Variants in ASIC5 observed in about 807,000 individuals in gnomAD.
ASIC5 encodes the protein acid sensing ion channel subunit family member 5.
ASIC5 carries 52 observed loss-of-function variants against 51.2 expected under a neutral mutation model. The observed-to-expected ratio is 1.02, with a 90% CI of 0.81 to 1.28. ASIC5 has a LOEUF of 1.28. ASIC5 is among the 50% of genes most tolerant of loss of function. ASIC5 has a pLI of 0.00. For synonymous variants in ASIC5, 231 were observed against 200.7 expected (o/e 1.15, Z -1.28); for missense variants, 635 against 595.0 (o/e 1.07, Z -0.70).
chr4:155,854,275 A>G lies in ASIC5; in HGVS notation c.387T>C (p.Phe129=), dbSNP rs376363208. Residue 129 remains phenylalanine (F), a synonymous_variant, in exon 3 of 10, where the codon TTT becomes TTC. Coordinates refer to ENST00000537611, the MANE Select transcript of ASIC5 (RefSeq NM_017419.3). ...TDAVAKFGVI[F]FLWHIVSKVL... is the part of the protein sequence containing the mutation. ...CTTTGGATACAATGTGCCATAAGAA[A>G]AAAATAACACCAAATTTGGCTACAG... 26 of 1,612,990 alleles carry G rather than the reference A, an allele frequency of 1.6e-5. No individual in the cohort carries two copies. The highest frequency in any genetic ancestry group is 2.0e-5 in the Non-Finnish European group (23 of 1,179,422).
chr4:155,850,697 T>C (rs574987028), intron 4 of ASIC5, among the ~76,000 whole-genome samples: 1 of 152,058 alleles, frequency 6.6e-6, no homozygotes, highest in Non-Finnish European at 1.5e-5. Flanking sequence ...GGCTGTTTTC[T>C]TTGACTCATT....
At chr4:155,831,686 G>A (rs1354129761) in intron 9 of ASIC5, 138 bp downstream of exon 9, 1 of 508,650 alleles carries the variant, frequency 2.0e-6, no homozygotes, top group African/African-American at 2.0e-5. Context: ...CAGGAGAATG[G>A]TGTGAACCCC....
intron 7 of ASIC5, among the ~76,000 whole-genome samples, chr4:155,838,314 A>G (rs200451273): frequency 0.059 from 8,931 of 152,226 alleles, 390 homozygotes; most frequent in South Asian, 0.13. Context: ...AAAGCAAAAA[A>G]AAGAGGGGGC....
intron 8 of ASIC5, among the ~76,000 whole-genome samples, chr4:155,835,039 C>G (rs1289041310): frequency 2.0e-5 from 3 of 152,144 alleles, no homozygotes; most frequent in African/African-American, 7.2e-5. Context: ...AACCTTGCAC[C>G]CATCCTTCGA....
chr4:155,848,639 C>T (rs1454360653), intron 4 of ASIC5, among the ~76,000 whole-genome samples: 1 of 151,992 alleles, frequency 6.6e-6, no homozygotes, highest in Non-Finnish European at 1.5e-5. Flanking sequence ...GACAATTGTG[C>T]TCATGTTTTG....
At position 155,843,670 on chromosome 4, in the gene ASIC5, C is replaced by G. The variant is rs371696830; in HGVS notation, c.861+11G>C. ...CTACCCCACCTAATTTCCTCAGACTCGAGTATTTACCTTCACTTGGCGGAT... is the reference window on the plus strand; with the variant it reads ...CTACCCCACCTAATTTCCTCAGACTGGAGTATTTACCTTCACTTGGCGGAT... On this transcript the variant is annotated intron_variant, in intron 5 of 9. Transcript: ENST00000537611. The G allele has an allele frequency of 1.2e-6, 2 of 1,612,732 alleles. No homozygotes were observed. The highest frequency in any genetic ancestry group is 2.2e-5 in the East Asian group (1 of 44,864).
At chr4:155,851,135 T>C (rs796463636) in intron 4 of ASIC5, among the ~76,000 whole-genome samples, 1 of 152,052 alleles carries the variant, frequency 6.6e-6, no homozygotes, top group Non-Finnish European at 1.5e-5. Flanking sequence ...TTTGTAGATG[T>C]TCATTGCATT....
At chr4:155,853,071 T>C (rs1401224854) in intron 3 of ASIC5, among the ~76,000 whole-genome samples, 1 of 152,078 alleles carries the variant, frequency 6.6e-6, no homozygotes, top group Non-Finnish European at 1.5e-5. Context: ...TCCTGCTTAA[T>C]TAAGCCAATT....
At chr4:155,831,786 T>G in intron 9 of ASIC5, 38 bp downstream of exon 9, 3 of 1,276,000 alleles carry the variant, frequency 2.4e-6, no homozygotes, top group Non-Finnish European at 3.4e-6. Context: ...AATAAATAAG[T>G]AAATAAATAA....
intron 4 of ASIC5, among the ~76,000 whole-genome samples, chr4:155,848,807 A>G (rs996153707): frequency 6.6e-6 from 1 of 152,140 alleles, no homozygotes; most frequent in Non-Finnish European, 1.5e-5. Context: ...TAAACAGAAC[A>G]GGAATTAACT....
chr4:155,836,757 G>A lies in ASIC5; in HGVS notation c.1167C>T (p.Ser389=). The change falls in exon 8 of 10, where the codon TCC becomes TCT. Residue 389 remains serine (S), a synonymous_variant. Transcript: ENST00000537611. ...EIEYPATISY[S]SFPSQKALKY... ...TCAAAGCTTTTTGACTTGGAAAAGA[G>A]GAATAAGAAATAGTGGCCGGGTATT... 1.9e-6 allele frequency: 3 copies of A among 1,610,834 alleles called. No individual in the cohort carries two copies.
At chr4:155,831,018 C>T (rs1740859535) in intron 9 of ASIC5, among the ~76,000 whole-genome samples, 1 of 152,158 alleles carries the variant, frequency 6.6e-6, no homozygotes, top group Admixed American at 6.5e-5. Flanking sequence ...GAGTCTAAGG[C>T]CTTCTTCTGT....
intron 8 of ASIC5, among the ~76,000 whole-genome samples, chr4:155,835,220 A>C (rs375865609): frequency 6.6e-6 from 1 of 152,122 alleles, no homozygotes; most frequent in East Asian, 1.9e-4. Context: ...CTAGGGTTGC[A>C]GGCACCCAAT....
chr4:155,836,899 A>G (rs1176004507), intron 7 of ASIC5, 42 bp from the exon 8 acceptor site: 1 of 1,408,592 alleles, frequency 7.1e-7, no homozygotes, highest in African/African-American at 1.4e-5. Context: ...GAAGAGAAAT[A>G]TTTCATCATG....
chr4:155,844,400 G>T (rs542075583), intron 4 of ASIC5, among the ~76,000 whole-genome samples: 1 of 151,942 alleles, frequency 6.6e-6, no homozygotes, highest in Non-Finnish European at 1.5e-5. Context: ...CTTCTGCATC[G>T]GCAGAGAGCA....
intron 6 of ASIC5, among the ~76,000 whole-genome samples, chr4:155,840,191 T>C (rs2111235031): frequency 6.6e-6 from 1 of 152,114 alleles, no homozygotes; most frequent in South Asian, 2.1e-4. Flanking sequence ...TTTAAAATTG[T>C]CAACATTATT....
rs528420062 is a variant in ASIC5 at position 155,852,235 on chromosome 4, T to A, written c.667A>T (p.Ser223Cys). 6.5e-5 allele frequency: 104 copies of A among 1,609,982 alleles called. 1 individual carries two copies. The South Asian group carries it at 1.1e-3, about 17-fold the overall frequency. Residue 223 changes from serine to cysteine, a missense_variant, in exon 4 of 10, where the codon AGT becomes TGT. Ser to Cys is a moderately radical substitution (Grantham distance 112, BLOSUM62 -1). Coordinates refer to ENST00000537611, the MANE Select transcript of ASIC5 (RefSeq NM_017419.3). ...AAGCTCAAACCTCTTCCAGAGACAC[T>A]CACTTTTCTCTTTGCTTGGAGAGTT... is the stretch of plus-strand genomic sequence containing the variant. ...GETLQAKRKVSVSGRGLSLLF... is the reference protein window; with the variant it reads ...GETLQAKRKVCVSGRGLSLLF...
intron 2 of ASIC5, among the ~76,000 whole-genome samples, chr4:155,856,581 G>A (rs143710205): frequency 6.6e-6 from 1 of 152,110 alleles, no homozygotes; most frequent in Admixed American, 6.6e-5. Flanking sequence ...ATCTGTCATG[G>A]TGGTATTCTG....
Position 155,829,870 on chromosome 4 carries a change from T to G in ASIC5, c.1504A>C (p.Ile502Leu). 1.9e-6 allele frequency: 3 copies of G among 1,591,716 alleles called. No homozygotes were observed. Among genetic ancestry groups the G allele is most frequent in the Non-Finnish European group, 2.6e-6 (3 of 1,171,224 alleles). ...PQNHLGNKNR[I>L]EEC ...CTAAGTGACCATTAACACTCCTCTA[T>G]CCTATTTTTATTTCCCAGATGATTC... Residue 502 changes from isoleucine (I) to leucine (L), a missense_variant, in exon 10 of 10, where the codon ATA becomes CTA. By Grantham distance (5) the Ile-to-Leu change is conservative. Transcript: ENST00000537611.
Sources: allele counts gnomAD v4.1 joint callset (sites outside exome capture counted in the v4.1 genomes callset), GRCh38; gene constraint gnomAD v4.1.1; transcripts MANE v1.5; gene names NCBI Gene and HGNC (gene_info 2026-07-23, HGNC 2026-07-21).